Variants in NCALD observed in about 807,000 individuals in gnomAD.
NCALD encodes the protein neurocalcin-delta.
A neutral mutation model predicts 18.6 loss-of-function variants in NCALD; 10 were observed. The ratio of observed to expected loss-of-function variants is 0.54; its 90% confidence interval spans 0.33 to 0.91. NCALD has a LOEUF of 0.91. NCALD is among the 40% of genes least tolerant of loss of function. NCALD has a pLI of 0.03. For synonymous variants in NCALD, 88 were observed against 87.4 expected (o/e 1.01, Z -0.04); for missense variants, 184 against 247.6 (o/e 0.74, Z 1.72).
intron 2 of NCALD, among the ~76,000 whole-genome samples, chr8:101,701,093 C>T (rs113605567): frequency 6.6e-6 from 1 of 152,192 alleles, no homozygotes; most frequent in African/African-American, 2.4e-5. Context: ...CCAATGGCCC[C>T]CAGAGTGAGT....
intron 2 of NCALD, among the ~76,000 whole-genome samples, chr8:101,713,703 C>A (rs1815924944): frequency 6.6e-6 from 1 of 152,124 alleles, no homozygotes; most frequent in Admixed American, 6.5e-5. Context: ...AATTCCTGGA[C>A]ACATACACCC....
intron 4 of NCALD, among the ~76,000 whole-genome samples, chr8:101,826,424 T>A: frequency 6.6e-6 from 1 of 152,192 alleles, no homozygotes; most frequent in African/African-American, 2.4e-5. Flanking sequence ...GTTAGAGGGT[T>A]GTGAGGTATC....
chr8:101,704,876 G>A lies in NCALD; in HGVS notation c.379-11980C>T, dbSNP rs189703372. Among the ~76,000 whole-genome samples the A allele has an allele frequency of 6.7e-5, 10 of 149,804 alleles. No homozygotes were observed. In the East Asian group the frequency reaches 1.4e-3, roughly 21 times the overall value. ...AGAGGTTGCAGTAAGCTGAGATCGCGCCATTGCTTTCCAGCCTAGGCGACA... is the reference window on the plus strand; with the variant it reads ...AGAGGTTGCAGTAAGCTGAGATCGCACCATTGCTTTCCAGCCTAGGCGACA... On this transcript the variant is annotated intron_variant, in intron 2 of 3. Transcript: ENST00000220931.
At chr8:101,970,941 C>T (rs558787986) in intron 2 of NCALD, among the ~76,000 whole-genome samples, 5 of 152,098 alleles carry the variant, frequency 3.3e-5, no homozygotes, top group African/African-American at 4.8e-5. Context: ...TATATTAATG[C>T]CATCTTACAG....
intron 1 of NCALD, among the ~76,000 whole-genome samples, chr8:102,039,762 G>C (rs1822985914): frequency 6.6e-6 from 1 of 152,132 alleles, no homozygotes. Context: ...GGCCTAGTGG[G>C]AGTGTTTGGA....
At chr8:102,015,205 T>G (rs115053654) in intron 2 of NCALD, among the ~76,000 whole-genome samples, 1 of 152,188 alleles carries the variant, frequency 6.6e-6, no homozygotes, top group African/African-American at 2.4e-5. Flanking sequence ...TTTTGTATTT[T>G]TTTTCATTTT....
At chr8:102,066,997 G>A (rs1824030030) in intron 1 of NCALD, among the ~76,000 whole-genome samples, 1 of 152,156 alleles carries the variant, frequency 6.6e-6, no homozygotes, top group African/African-American at 2.4e-5. Flanking sequence ...GAGATATTGG[G>A]TGAAAATGGC....
chr8:101,949,230 G>C (rs1819294865), intron 2 of NCALD, among the ~76,000 whole-genome samples: 1 of 152,148 alleles, frequency 6.6e-6, no homozygotes, highest in Non-Finnish European at 1.5e-5. Context: ...TGTGAGGAAA[G>C]AGAGCTGTTT....
At chr8:102,026,568 C>T (rs182642757) in intron 1 of NCALD, among the ~76,000 whole-genome samples, 6 of 152,350 alleles carry the variant, frequency 3.9e-5, no homozygotes, top group Admixed American at 3.3e-4. Context: ...GACAGCTCCA[C>T]ATCTGTAGCT....
chr8:102,029,630 AT>A (rs1403287147), intron 1 of NCALD, among the ~76,000 whole-genome samples: 1 of 152,196 alleles, frequency 6.6e-6, no homozygotes, highest in Non-Finnish European at 1.5e-5. Context: ...CCCTATTTCC[AT>A]AAAGTCGCTG....
At chr8:101,857,974 A>G (rs561955005) in intron 4 of NCALD, among the ~76,000 whole-genome samples, 7 of 152,308 alleles carry the variant, frequency 4.6e-5, no homozygotes, top group African/African-American at 1.7e-4. Flanking sequence ...GATGCAGAGT[A>G]ATGAGCACTG....
intron 4 of NCALD, among the ~76,000 whole-genome samples, chr8:101,822,449 A>G (rs978710176): frequency 1.3e-5 from 2 of 152,016 alleles, no homozygotes; most frequent in African/African-American, 4.8e-5. Flanking sequence ...GACTCAGCAA[A>G]CCCTGCAAGC....
intron 2 of NCALD, among the ~76,000 whole-genome samples, chr8:101,994,126 A>G (rs531623076): frequency 6.6e-6 from 1 of 152,280 alleles, no homozygotes; most frequent in South Asian, 2.1e-4. Context: ...ACATTTCTAG[A>G]ACTTCTTCTC....
At chr8:101,840,604 T>C (rs1274330850) in intron 4 of NCALD, among the ~76,000 whole-genome samples, 2 of 152,194 alleles carry the variant, frequency 1.3e-5, no homozygotes, top group African/African-American at 4.8e-5. Context: ...GGGGAAAATA[T>C]GATGTTGCAA....
chr8:101,984,856 A>G (rs1820745949), intron 2 of NCALD, among the ~76,000 whole-genome samples: 1 of 152,190 alleles, frequency 6.6e-6, no homozygotes. Flanking sequence ...GGGGGTACCC[A>G]CCATCACCTC....
chr8:102,024,193 A>G (rs1208483234), intron 1 of NCALD, among the ~76,000 whole-genome samples: 1 of 152,208 alleles, frequency 6.6e-6, no homozygotes, highest in Non-Finnish European at 1.5e-5. Flanking sequence ...CACAATATAA[A>G]CATACCAGAA....
At chr8:101,978,908 A>AC (rs2131930698) in intron 2 of NCALD, among the ~76,000 whole-genome samples, 1 of 152,388 alleles carries the variant, frequency 6.6e-6, no homozygotes, top group Non-Finnish European at 1.5e-5. Flanking sequence ...ATAGCAATAC[A>AC]TAACTGTCTG....
chr8:102,091,396 A>C (rs1018727590), intron 1 of NCALD, among the ~76,000 whole-genome samples: 2 of 152,228 alleles, frequency 1.3e-5, no homozygotes, highest in Non-Finnish European at 2.9e-5. Flanking sequence ...TGTTTCTGCA[A>C]CTTAGGCTAA....
chr8:101,889,283 TA>T (rs1196458859), intron 3 of NCALD, among the ~76,000 whole-genome samples: 1 of 152,218 alleles, frequency 6.6e-6, no homozygotes, highest in African/African-American at 2.4e-5. Flanking sequence ...TCTAGGCTGT[TA>T]CATGAGAAAA....
Sources: gnomAD v4.1 joint callset for allele counts (sites outside exome capture counted in the v4.1 genomes callset) on GRCh38, gnomAD v4.1.1 for gene constraint, MANE v1.5 for transcripts, NCBI Gene and HGNC (gene_info 2026-07-23, HGNC 2026-07-21) for gene names.